The following RUFY1 variants were observed in gnomAD, a reference collection of about 807,000 sequenced individuals.
RUFY1 encodes the protein RUN and FYVE domain containing 1.
RUFY1 carries 54 observed loss-of-function variants against 94.6 expected under a neutral mutation model. The ratio of observed to expected loss-of-function variants is 0.57; its 90% CI spans 0.46 to 0.72. The LOEUF (loss-of-function observed/expected upper bound fraction) is 0.72. RUFY1 is among the 30% of genes least tolerant of loss of function. RUFY1 has a pLI of 0.00. For synonymous variants in RUFY1, 396 were observed against 347.3 expected (o/e 1.14, Z -1.56); for missense variants, 883 against 883.9 (o/e 1.00, Z 0.01).
intron 17 of RUFY1, among the ~76,000 whole-genome samples, chr5:179,608,127 C>G (rs1767305478): frequency 6.6e-6 from 1 of 152,140 alleles, no homozygotes; most frequent in Admixed American, 6.5e-5. Context: ...CTAGGCTCAC[C>G]CTTGGGTCTA....
intron 6 of RUFY1, 22 bp downstream of exon 6, chr5:179,577,158 A>ATTT (rs1763677382): frequency 5.6e-5 from 22 of 392,394 alleles, no homozygotes; most frequent in South Asian, 2.4e-4. Flanking sequence ...GTTGTATGTC[A>ATTT]CTTTTTTTTT....
At chr5:179,562,269 G>A (rs553363558) in intron 2 of RUFY1, among the ~76,000 whole-genome samples, 24 of 151,960 alleles carry the variant, frequency 1.6e-4, no homozygotes, top group Non-Finnish European at 2.9e-4. Flanking sequence ...AAATTAGCCC[G>A]GCGTTGTGGG....
intron 5 of RUFY1, among the ~76,000 whole-genome samples, chr5:179,573,559 G>C (rs1212585489): frequency 6.6e-6 from 1 of 151,740 alleles, no homozygotes; most frequent in African/African-American, 2.4e-5. Flanking sequence ...GTCTTACTCT[G>C]TCGCCCAGGT....
chr5:179,593,674 A>G (rs1765292265), intron 11 of RUFY1, 29 bp downstream of exon 11: 1 of 1,605,962 alleles, frequency 6.2e-7, no homozygotes, highest in Non-Finnish European at 8.5e-7. Context: ...TCCATGGCAC[A>G]GCCTGGTTTC....
intron 9 of RUFY1, among the ~76,000 whole-genome samples, chr5:179,590,214 C>T (rs1476368506): frequency 6.6e-6 from 1 of 151,658 alleles, no homozygotes; most frequent in African/African-American, 2.4e-5. Context: ...GTTAGCTGGG[C>T]GTGGTGGCAG....
chr5:179,560,075 A>C lies in RUFY1; in HGVS notation c.361A>C (p.Lys121Gln). The C allele has an allele frequency of 1.2e-6, 2 of 1,614,044 alleles. No individual in the cohort carries two copies. The highest frequency in any genetic ancestry group is 1.7e-6 in the Non-Finnish European group (2 of 1,180,020). Residue 121 changes from lysine (K) to glutamine (Q), a missense_variant, in exon 2 of 18, where the codon AAA (lysine) becomes CAA (glutamine). Physicochemically the swap from Lys to Gln is moderately conservative, Grantham distance 53. Transcript: ENST00000319449. ...GCGTGCCAACCTGATGCACATGATG[A>C]AACTCAGCATCAAGGTGTTGCTCCA... is the stretch of plus-strand genomic sequence containing the variant. ...EERANLMHMM[K>Q]LSIKVLLQSA...
chr5:179,580,929 T>A lies in RUFY1; in HGVS notation c.891-18T>A. ...ATTAATAAAAAAAAGTTCTTCCTTC[T>A]TATGCTCCTTTTAAAAGGCATGAAA... On this transcript the variant is annotated intron_variant, in intron 6 of 17. Coordinates refer to ENST00000319449, the MANE Select transcript of RUFY1 (RefSeq NM_025158.5). 3.3e-6 allele frequency: 5 copies of A among 1,518,974 alleles called. No homozygotes were observed. The highest frequency in any genetic ancestry group is 3.6e-6 in the Non-Finnish European group (4 of 1,102,878). 94.1% of individuals were successfully genotyped at this position (1,518,974 alleles called of 1,614,324 possible). A position where few individuals can be genotyped will look rare whatever the true frequency, so the allele number is the denominator to read the frequency against.
intron 5 of RUFY1, among the ~76,000 whole-genome samples, chr5:179,570,451 G>T (rs1763142869): frequency 2.0e-5 from 3 of 152,196 alleles, no homozygotes; most frequent in Admixed American, 2.0e-4. Flanking sequence ...AGAGTAACCA[G>T]TAAGGTGTAG....
At chr5:179,584,104 A>G (rs1214181236) in intron 7 of RUFY1, among the ~76,000 whole-genome samples, 1 of 152,246 alleles carries the variant, frequency 6.6e-6, no homozygotes, top group Non-Finnish European at 1.5e-5. Context: ...TCAAGTTGGC[A>G]CAGAATTGAC....
intron 14 of RUFY1, 136 bp from the exon 15 acceptor site, chr5:179,601,756 T>C (rs1562103516): frequency 1.6e-6 from 1 of 615,762 alleles, no homozygotes; most frequent in Non-Finnish European, 2.8e-6. Flanking sequence ...GAGGCGGAGG[T>C]TGCAGTGAGC....
intron 13 of RUFY1, among the ~76,000 whole-genome samples, chr5:179,598,014 C>T (rs765725456): frequency 2.8e-4 from 43 of 152,196 alleles, no homozygotes; most frequent in Non-Finnish European, 5.3e-4. Context: ...CATGGTGAAA[C>T]GTCATCTCTA....
chr5:179,565,468 C>G (rs989853977), intron 3 of RUFY1, among the ~76,000 whole-genome samples: 2 of 152,086 alleles, frequency 1.3e-5, no homozygotes, highest in African/African-American at 4.8e-5. Context: ...TGTGAGCCAC[C>G]ACACCTGGCC....
Position 179,596,654 on chromosome 5 carries a change from T to C in RUFY1, c.1604T>C (p.Leu535Pro), listed in dbSNP as rs1383510287. 2 of 1,608,312 alleles carry C rather than the reference T, an allele frequency of 1.2e-6. No homozygotes were observed. Among genetic ancestry groups the C allele is most frequent in the East Asian group, 2.2e-5 (1 of 44,840 alleles). ...GGCGGGAGGATCGGCGCCCTGCAGC[T>C]GCAGCTCTCCCAGCTGCACGAGCAA... ...ELGGRIGALQ[L>P]QLSQLHEQCS... Residue 535 changes from leucine to proline, a missense_variant, in exon 13 of 18, where the codon CTG becomes CCG. Coordinates refer to ENST00000319449, the MANE Select transcript of RUFY1 (RefSeq NM_025158.5).
Position 179,598,730 on chromosome 5 carries a change from A to G in RUFY1, c.1670A>G (p.Gln557Arg). The G allele has an allele frequency of 5.0e-6, 8 of 1,614,186 alleles. No homozygotes were observed. The highest frequency in any genetic ancestry group is 6.8e-6 in the Non-Finnish European group (8 of 1,180,006). Reference sequence around the variant, plus strand: ...AAAGAATTGAAATCAGAAAAAGAGCAAAGACAGGCTCTTCAGCGCGAATTA... The same window carrying G: ...AAAGAATTGAAATCAGAAAAAGAGCGAAGACAGGCTCTTCAGCGCGAATTA... ...LEKELKSEKE[Q>R]RQALQRELQH... Residue 557 changes from glutamine (Q) to arginine (R), a missense_variant, in exon 14 of 18, where the codon CAA becomes CGA. By Grantham distance (43) the Gln-to-Arg change is conservative. Coordinates refer to ENST00000319449, the MANE Select transcript of RUFY1 (RefSeq NM_025158.5).
rs1762790722 is a variant in RUFY1 at position 179,565,824 on chromosome 5, G to A, written c.603-1637G>A. On this transcript the variant is annotated intron_variant, in intron 3 of 17. Coordinates refer to ENST00000319449, the MANE Select transcript of RUFY1 (RefSeq NM_025158.5). The stretch of plus-strand genomic sequence containing the variant: ...ACTAAATGTAGAATTTTGGTAACCT[G>A]TTGTCATCAAATTGCCACTAGAAAG... Among the ~76,000 whole-genome samples, 3 of 152,090 alleles carry A rather than the reference G, an allele frequency of 2.0e-5. No homozygotes were observed. The South Asian group carries it at 6.2e-4, about 31-fold the overall frequency.
intron 1 of RUFY1, among the ~76,000 whole-genome samples, chr5:179,555,093 A>G (rs755549683): frequency 6.6e-6 from 1 of 152,226 alleles, no homozygotes; most frequent in Non-Finnish European, 1.5e-5. Flanking sequence ...TTTTCACGCA[A>G]GCAATAGGAT....
chr5:179,603,097 G>C (rs557968967), intron 15 of RUFY1, among the ~76,000 whole-genome samples: 1 of 151,914 alleles, frequency 6.6e-6, no homozygotes, highest in African/African-American at 2.4e-5. Context: ...GTGAAGCCCC[G>C]TCTCTACTAA....
At position 179,609,547 on chromosome 5, in the gene RUFY1, C is replaced by T. The variant is rs563715183; in HGVS notation, c.*28C>T. On this transcript the variant is annotated 3_prime_UTR_variant, in exon 18 of 18. Coordinates refer to ENST00000319449, the MANE Select transcript of RUFY1 (RefSeq NM_025158.5). ...GTCCGTCCTCAGGAGCACAGCCTCA[C>T]GGACAGTGCCAAACCCTGTGGGTCT... The T allele has an allele frequency of 4.7e-5, 74 of 1,571,428 alleles. No individual in the cohort carries two copies. The highest frequency in any genetic ancestry group is 1.4e-4 in the East Asian group (6 of 43,078).
intron 1 of RUFY1, among the ~76,000 whole-genome samples, chr5:179,557,879 G>A (rs188695261): frequency 1.8e-4 from 27 of 152,180 alleles, no homozygotes; most frequent in African/African-American, 6.0e-4. Flanking sequence ...CATCAAGGGC[G>A]ACACCACCTC....
Sources: allele counts gnomAD v4.1 joint callset (sites outside exome capture counted in the v4.1 genomes callset), GRCh38; gene constraint gnomAD v4.1.1; transcripts MANE v1.5; gene names NCBI Gene and HGNC (gene_info 2026-07-23, HGNC 2026-07-21).